C12orf42: variants seen among roughly 807,000 people sequenced by gnomAD.
C12orf42 encodes chromosome 12 open reading frame 42.
Under a neutral mutation model 21.6 loss-of-function variants are expected in C12orf42, and 25 were observed. The ratio of observed to expected loss-of-function variants is 1.16; its 90% CI spans 0.84 to 1.62. The LOEUF (loss-of-function observed/expected upper bound fraction) is 1.62. Among genes scored for constraint, C12orf42 ranks in the 40% most tolerant of loss-of-function variants. The probability of loss-of-function intolerance (pLI) is 0.00; values close to 1 mark genes in which losing one functional copy is unlikely to be tolerated. For synonymous variants in C12orf42, 174 were observed against 175.0 expected, an observed-to-expected ratio of 0.99 and a Z score of 0.05; for missense variants, 483 against 459.3, an observed-to-expected ratio of 1.05 and a Z score of -0.47.
At chr12:103,462,707 A>T (rs1952819871) in intron 2 of C12orf42, among the ~76,000 whole-genome samples, 1 of 152,218 alleles carries the variant, frequency 6.6e-6, no homozygotes, top group African/African-American at 2.4e-5. Context: ...TCAGAAAAGG[A>T]ATAGAAAATC....
chr12:103,444,842 T>C (rs35199219), intron 2 of C12orf42, among the ~76,000 whole-genome samples: 7,768 of 152,146 alleles, frequency 0.051, 254 homozygotes, highest in South Asian at 0.16. Context: ...TCTTCTTTTC[T>C]TTAAATGTCT....
chr12:103,138,891 T>C, the C12orf42 span, among the ~76,000 whole-genome samples: 1 of 152,188 alleles, frequency 6.6e-6, no homozygotes, highest in African/African-American at 2.4e-5. Flanking sequence ...CTCTACAGTG[T>C]TAACCCTCTA....
At chr12:103,312,499 A>G (rs1406984432) in intron 4 of C12orf42, among the ~76,000 whole-genome samples, 1 of 152,238 alleles carries the variant, frequency 6.6e-6, no homozygotes, top group Admixed American at 6.5e-5. Flanking sequence ...TAAATTGCTC[A>G]AAGTTCCAAT....
At chr12:103,520,757 G>GA in the C12orf42 span, among the ~76,000 whole-genome samples, 42 of 152,188 alleles carry the variant, frequency 2.8e-4, no homozygotes, top group Admixed American at 2.6e-3. Context: ...AGCTATTAAG[G>GA]AAAAAAATGG....
chr12:103,208,770 C>T, the C12orf42 span, among the ~76,000 whole-genome samples: 33 of 152,258 alleles, frequency 2.2e-4, no homozygotes, highest in Non-Finnish European at 4.4e-4. Context: ...TTCTTGCATT[C>T]ATTTTTGTTA....
At chr12:103,344,741 T>C (rs2042463729) in intron 4 of C12orf42, among the ~76,000 whole-genome samples, 1 of 152,088 alleles carries the variant, frequency 6.6e-6, no homozygotes, top group Non-Finnish European at 1.5e-5. Flanking sequence ...TGATCATCCA[T>C]GTACAAACAG....
chr12:103,292,665 CT>C (rs2036898874), intron 4 of C12orf42, among the ~76,000 whole-genome samples: 1 of 151,990 alleles, frequency 6.6e-6, no homozygotes, highest in South Asian at 2.1e-4. Flanking sequence ...TTATGTATAG[CT>C]TTGAAAATGC....
the C12orf42 span, among the ~76,000 whole-genome samples, chr12:103,207,658 T>C: frequency 6.6e-6 from 1 of 152,202 alleles, no homozygotes; most frequent in Non-Finnish European, 1.5e-5. Context: ...GCAACCAAGC[T>C]GAGAAATTTT....
At chr12:103,123,590 C>T in the C12orf42 span, among the ~76,000 whole-genome samples, 4 of 152,254 alleles carry the variant, frequency 2.6e-5, no homozygotes, top group South Asian at 2.1e-4. Context: ...CTTAGACTTA[C>T]GTTTCCCAAT....
downstream of C12orf42, among the ~76,000 whole-genome samples, chr12:103,299,156 T>A (rs1398390706): frequency 1.3e-5 from 2 of 152,102 alleles, no homozygotes; most frequent in Admixed American, 1.3e-4. Context: ...GCTCTATGTA[T>A]AAAATAACAT....
At chr12:103,519,932 A>T in the C12orf42 span, among the ~76,000 whole-genome samples, 1 of 152,188 alleles carries the variant, frequency 6.6e-6, no homozygotes, top group African/African-American at 2.4e-5. Flanking sequence ...CAGAAAGAGG[A>T]GGGAAGAAGA....
intron 1 of C12orf42, among the ~76,000 whole-genome samples, chr12:103,495,606 G>A (rs1046560809): frequency 6.6e-6 from 1 of 151,978 alleles, no homozygotes; most frequent in African/African-American, 2.4e-5. Context: ...GGGCAACGGG[G>A]GGCGGGGGAT....
rs548288377 is a variant in C12orf42 at position 103,493,861 on chromosome 12, C to T, written c.-22+2041G>A. On this transcript the variant is annotated intron_variant, in intron 1 of 5. Coordinates refer to ENST00000548883, the MANE Select transcript of C12orf42 (RefSeq NM_198521.5). ...AAATACACTTAAATGTTATACACCC[C>T]TAAAGCAAACATTCTTACTACTTAC... Among the ~76,000 whole-genome samples, 3 of 152,158 alleles carry T rather than the reference C, an allele frequency of 2.0e-5. No individual in the cohort carries two copies. In the South Asian group the frequency reaches 6.2e-4, roughly 32 times the overall value.
chr12:103,557,872 CTTCT>C, the C12orf42 span: 1 of 152,128 alleles, frequency 6.6e-6, no homozygotes, highest in South Asian at 2.1e-4. Context: ...AAGCTTTTGT[CTTCT>C]TTAAGAATTC....
the C12orf42 span, among the ~76,000 whole-genome samples, chr12:103,126,708 G>T: frequency 2.0e-5 from 3 of 149,604 alleles, no homozygotes; most frequent in Admixed American, 6.7e-5. Context: ...TGGTCAAAAT[G>T]CCTTAGTTAG....
At chr12:103,133,627 G>T in the C12orf42 span, among the ~76,000 whole-genome samples, 14 of 151,768 alleles carry the variant, frequency 9.2e-5, no homozygotes, top group African/African-American at 2.9e-4. Flanking sequence ...TACAGCCAAA[G>T]AAATCATATG....
At chr12:103,438,977 T>C (rs1950973686) in intron 2 of C12orf42, among the ~76,000 whole-genome samples, 1 of 152,152 alleles carries the variant, frequency 6.6e-6, no homozygotes, top group Non-Finnish European at 1.5e-5. Flanking sequence ...AGAACAAAGC[T>C]GGAGGCATCA....
chr12:103,303,513 A>G (rs968195587), intron 5 of C12orf42, among the ~76,000 whole-genome samples: 4 of 152,204 alleles, frequency 2.6e-5, no homozygotes, highest in African/African-American at 9.6e-5. Flanking sequence ...AAAGGTTTTT[A>G]ATAGCATTTA....
intron 4 of C12orf42, among the ~76,000 whole-genome samples, chr12:103,345,630 AAT>A (rs1351300469): frequency 6.6e-6 from 1 of 152,200 alleles, no homozygotes; most frequent in Non-Finnish European, 1.5e-5. Context: ...AGTTCATTTC[AAT>A]ATGATTCTTG....
Sources: allele counts gnomAD v4.1 joint callset (sites outside exome capture counted in the v4.1 genomes callset), GRCh38; gene constraint gnomAD v4.1.1; transcripts MANE v1.5; gene names NCBI Gene and HGNC (gene_info 2026-07-23, HGNC 2026-07-21).